TMEM114: variants seen among roughly 807,000 people sequenced by gnomAD.
TMEM114 encodes claudin-26.
In TMEM114, 6 loss-of-function variants were observed where a neutral mutation model predicts 6.2. That is an observed-to-expected ratio of 0.97 (90% CI 0.53 to 1.91). The LOEUF (loss-of-function observed/expected upper bound fraction) is 1.91, where lower values mean the gene tolerates loss of function less well. Among genes scored for constraint, TMEM114 ranks in the 40% most tolerant of loss-of-function variants. The pLI, the probability that TMEM114 is intolerant of heterozygous loss-of-function variation, is 0.01. For synonymous variants in TMEM114, 104 were observed against 73.0 expected (o/e 1.42, Z -2.16); for missense variants, 218 against 158.3 (o/e 1.38, Z -2.02).
chr16:8,570,287 G>T (rs1901688597), intron 3 of TMEM114, among the ~76,000 whole-genome samples: 1 of 151,688 alleles, frequency 6.6e-6, no homozygotes, highest in Non-Finnish European at 1.5e-5. Flanking sequence ...GCCCATCACT[G>T]CCCAGGTCAC....
At chr16:8,539,082 T>G (rs911436942) in intron 2 of TMEM114, among the ~76,000 whole-genome samples, 1 of 152,066 alleles carries the variant, frequency 6.6e-6, no homozygotes, top group Non-Finnish European at 1.5e-5. Flanking sequence ...TGAGTTGCGA[T>G]TTTTTTTAGT....
At chr16:8,587,511 A>T (rs1902352982) in intron 2 of TMEM114, among the ~76,000 whole-genome samples, 1 of 152,208 alleles carries the variant, frequency 6.6e-6, no homozygotes, top group Non-Finnish European at 1.5e-5. Context: ...TTCCAGGTGG[A>T]GGGAACAGCA....
the TMEM114 span, among the ~76,000 whole-genome samples, chr16:8,530,922 G>C: frequency 6.6e-6 from 1 of 152,098 alleles, no homozygotes; most frequent in East Asian, 1.9e-4. Flanking sequence ...CTACTCAGTA[G>C]GCTGAGGCAA....
At chr16:8,572,951 A>G (rs1485156709) in intron 2 of TMEM114, among the ~76,000 whole-genome samples, 1 of 152,098 alleles carries the variant, frequency 6.6e-6, no homozygotes, top group African/African-American at 2.4e-5. Flanking sequence ...GCACTTGCTG[A>G]TCATTTGGAA....
At chr16:8,528,246 G>GCACA in the TMEM114 span, among the ~76,000 whole-genome samples, 3 of 32,924 alleles carry the variant, frequency 9.1e-5, no homozygotes, top group African/African-American at 2.1e-4. Flanking sequence ...CCCAAAATGC[G>GCACA]CACACACACA....
rs1332814380 is a variant in TMEM114, at chr16:8,569,912, A to G, written c.533T>C (p.Leu178Pro). 14 of 1,551,218 alleles carry G rather than the reference A, an allele frequency of 9.0e-6. No individual in the cohort carries two copies. The highest frequency in any genetic ancestry group is 1.2e-5 in the Non-Finnish European group (14 of 1,146,952). ...ALCLLEEKAL[L>P]DQVDISFGWS... is the part of the protein sequence containing the mutation. ...GCCGAAGCTGATGTCCACCTGGTCC[A>G]GGAGGGCCTTCTCCTCCAAGAGACA... Residue 178 changes from leucine to proline, a missense_variant, in exon 4 of 4, where the codon CTG becomes CCG. Coordinates refer to ENST00000620492, the MANE Select transcript of TMEM114 (RefSeq NM_001146336.2).
rs33950732 is a variant in TMEM114, at chr16:8,570,325, A to ATT, written c.440-322_440-321dup. 7.3e-5 allele frequency among the ~76,000 whole-genome samples: 11 copies of ATT among 150,970 alleles called. No homozygotes were observed. The South Asian group carries it at 2.3e-3, about 32-fold the overall frequency. The stretch of plus-strand genomic sequence containing the variant: ...TTGCAACTTTGCATTCTTTTGTGTA[A>ATT]TTTTTTTTTAGACAGAGTCTCGCTC... On this transcript the variant is annotated intron_variant, in intron 3 of 3. Coordinates refer to ENST00000620492, the MANE Select transcript of TMEM114 (RefSeq NM_001146336.2).
At chr16:8,530,870 C>G in the TMEM114 span, among the ~76,000 whole-genome samples, 2 of 151,962 alleles carry the variant, frequency 1.3e-5, no homozygotes, top group African/African-American at 4.8e-5. Context: ...ACTAAAAATG[C>G]AAAAATTAGC....
At chr16:8,554,594 C>T (rs963663332) in intron 2 of TMEM114, among the ~76,000 whole-genome samples, 4 of 152,140 alleles carry the variant, frequency 2.6e-5, no homozygotes, top group African/African-American at 9.7e-5. Flanking sequence ...TCCCCACGGA[C>T]AGTGTCTGCT....
intron 2 of TMEM114, among the ~76,000 whole-genome samples, chr16:8,539,594 A>T (rs758120760): frequency 3.8e-4 from 58 of 151,982 alleles, no homozygotes; most frequent in Non-Finnish European, 1.2e-4. Context: ...ACTCTTCCAG[A>T]TCCCATCCTG....
At chr16:8,568,423 C>T (rs1435009377), downstream of TMEM114, among the ~76,000 whole-genome samples, 2 of 149,818 alleles carry the variant, frequency 1.3e-5, no homozygotes, top group East Asian at 2.0e-4. Context: ...GGTGTCATGT[C>T]GTTGTGGTGG....
chr16:8,531,465 G>A, the TMEM114 span, among the ~76,000 whole-genome samples: 1 of 152,224 alleles, frequency 6.6e-6, no homozygotes, highest in Non-Finnish European at 1.5e-5. Context: ...ACTGCTGTGA[G>A]AGTTATCACA....
chr16:8,567,877 T>C (rs913632975), downstream of TMEM114, among the ~76,000 whole-genome samples: 1 of 152,154 alleles, frequency 6.6e-6, no homozygotes, highest in Non-Finnish European at 1.5e-5. Context: ...AAAAACTTTG[T>C]TTTCCCCAGC....
chr16:8,540,092 G>C (rs139676396), intron 2 of TMEM114, among the ~76,000 whole-genome samples: 14,595 of 152,208 alleles, frequency 0.096, 860 homozygotes, highest in Middle Eastern at 0.21. Flanking sequence ...CCAAAGTGCT[G>C]GGATTACAGG....
chr16:8,574,582 C>CTTCCTTCTTTCCTTCTTTCTTTCT (rs140621744), intron 2 of TMEM114, among the ~76,000 whole-genome samples: 2 of 142,462 alleles, frequency 1.4e-5, no homozygotes, highest in Non-Finnish European at 3.1e-5. Flanking sequence ...TCCTTCCTTC[C>CTTCCTTCTTTCCTTCTTTCTTTCT]TTCTTTCTTT....
At chr16:8,558,339 C>G (rs1901082932) in intron 2 of TMEM114, among the ~76,000 whole-genome samples, 1 of 152,192 alleles carries the variant, frequency 6.6e-6, no homozygotes, top group Non-Finnish European at 1.5e-5. Context: ...CCTTCTTTGC[C>G]TATTCCAGCT....
chr16:8,532,847 C>T (rs1425755294), downstream of TMEM114, among the ~76,000 whole-genome samples: 1 of 152,200 alleles, frequency 6.6e-6, no homozygotes, highest in Non-Finnish European at 1.5e-5. Context: ...TGGCATGAAC[C>T]CAGGAGGCGG....
chr16:8,550,946 T>C (rs7195722), intron 2 of TMEM114, among the ~76,000 whole-genome samples: 68,349 of 151,960 alleles, frequency 0.45, 16,086 homozygotes, highest in Middle Eastern at 0.57. Context: ...CTATTCTGCA[T>C]CTCACCTTGT....
At chr16:8,567,185 AGGCATGAGCCATGGCGCCC>A (rs1901575075), downstream of TMEM114, among the ~76,000 whole-genome samples, 2 of 152,094 alleles carry the variant, frequency 1.3e-5, no homozygotes, top group South Asian at 4.2e-4. Flanking sequence ...CTGGGATTAC[AGGCATGAGCCATGGCGCCC>A]GGCCTCATCA....
Sources: gnomAD v4.1 joint callset for allele counts (sites outside exome capture counted in the v4.1 genomes callset) on GRCh38, gnomAD v4.1.1 for gene constraint, MANE v1.5 for transcripts, NCBI Gene and HGNC (gene_info 2026-07-23, HGNC 2026-07-21) for gene names.